LARGE1: variants seen among roughly 807,000 people sequenced by gnomAD.
LARGE1 encodes LARGE xylosyl- and glucuronyltransferase 1.
Under a neutral mutation model 87.6 loss-of-function variants are expected in LARGE1, and 43 were observed. That is an observed-to-expected ratio of 0.49 (90% CI 0.38 to 0.63). The LOEUF is 0.63. LARGE1 is among the 30% of genes least tolerant of loss of function. The pLI is 0.00. For synonymous variants in LARGE1, 434 were observed against 394.6 expected (o/e 1.10, Z -1.18); for missense variants, 802 against 1,000.2 (o/e 0.80, Z 2.67).
In LARGE1 at chr22:33,190,161, A is replaced by C. The variant is rs113484652; in HGVS notation, c.1731-23329T>G. ...TAAACAAAACATTTTTTTTTTTAGCAGCAGCTCAATAGTGCTGGGGGGATT... is the reference window on the plus strand; with the variant it reads ...TAAACAAAACATTTTTTTTTTTAGCCGCAGCTCAATAGTGCTGGGGGGATT... On this transcript the variant is annotated intron_variant, in intron 11 of 11. Transcript: ENST00000608642. Among the ~76,000 whole-genome samples the C allele has an allele frequency of 1.9e-4, 29 of 152,024 alleles. 1 individual carries two copies. Among genetic ancestry groups the C allele is most frequent in the African/African-American group, 7.0e-4 (29 of 41,448 alleles).
At chr22:33,803,210 T>G (rs2086215781) in intron 1 of LARGE1, among the ~76,000 whole-genome samples, 3 of 152,172 alleles carry the variant, frequency 2.0e-5, no homozygotes, top group Admixed American at 2.0e-4. Context: ...TTTCCCTCAA[T>G]GTTCTAGGGG....
intron 6 of LARGE1, among the ~76,000 whole-genome samples, chr22:33,462,042 C>A (rs749262052): frequency 1.3e-4 from 20 of 152,164 alleles, no homozygotes; most frequent in Non-Finnish European, 2.6e-4. Flanking sequence ...TTTTAAGCCA[C>A]TAAGTTTTAT....
chr22:33,608,513 G>A (rs540079645), intron 4 of LARGE1, among the ~76,000 whole-genome samples: 4 of 152,176 alleles, frequency 2.6e-5, no homozygotes, highest in Non-Finnish European at 4.4e-5. Flanking sequence ...ATTGTGATAC[G>A]TATTTAAACT....
chr22:33,120,358 T>TTTTCTTTCTC, the LARGE1 span, among the ~76,000 whole-genome samples: 1 of 118,684 alleles, frequency 8.4e-6, no homozygotes. Context: ...TTTTCTTTCT[T>TTTTCTTTCTC]TTTCTTTCTT....
chr22:33,457,868 G>A (rs2068204100), intron 6 of LARGE1, among the ~76,000 whole-genome samples: 1 of 152,084 alleles, frequency 6.6e-6, no homozygotes, highest in South Asian at 2.1e-4. Flanking sequence ...TGAAGGAGAG[G>A]CTGTGTGTGT....
intron 6 of LARGE1, among the ~76,000 whole-genome samples, chr22:33,532,927 G>C (rs1327738704): frequency 1.3e-5 from 2 of 152,218 alleles, no homozygotes; most frequent in Non-Finnish European, 2.9e-5. Flanking sequence ...GGCCAGTACA[G>C]AGCAAGACAC....
At chr22:33,325,472 T>G (rs1359897794) in intron 10 of LARGE1, among the ~76,000 whole-genome samples, 1 of 152,190 alleles carries the variant, frequency 6.6e-6, no homozygotes, top group Non-Finnish European at 1.5e-5. Context: ...TGGGGTTCTG[T>G]GGAGGGCAGA....
chr22:33,804,467 C>T (rs1417279033), intron 1 of LARGE1, among the ~76,000 whole-genome samples: 1 of 152,176 alleles, frequency 6.6e-6, no homozygotes, highest in Non-Finnish European at 1.5e-5. Flanking sequence ...AAGCAATTTG[C>T]AGGTTGACTG....
intron 2 of LARGE1, among the ~76,000 whole-genome samples, chr22:33,755,548 T>G (rs2084481799): frequency 6.6e-6 from 1 of 152,182 alleles, no homozygotes; most frequent in Admixed American, 6.5e-5. Context: ...TAAAACCCAC[T>G]GGGCTCTGAG....
chr22:33,461,249 C>T (rs1009470133), intron 6 of LARGE1, among the ~76,000 whole-genome samples: 19 of 152,150 alleles, frequency 1.2e-4, no homozygotes, highest in African/African-American at 4.3e-4. Flanking sequence ...GATTGTGTCA[C>T]CATGCTCCAG....
chr22:33,377,695 C>G (rs574121970), intron 9 of LARGE1, among the ~76,000 whole-genome samples: 3 of 152,200 alleles, frequency 2.0e-5, no homozygotes, highest in Admixed American at 2.0e-4. Context: ...CTATTATCTC[C>G]TTCTGATAGT....
chr22:33,533,165 C>T (rs994155709), intron 6 of LARGE1, among the ~76,000 whole-genome samples: 3 of 152,154 alleles, frequency 2.0e-5, no homozygotes, highest in African/African-American at 7.2e-5. Flanking sequence ...ACAATGGGTA[C>T]CAGTCTTCCG....
At chr22:33,348,288 C>G (rs1228869592) in intron 9 of LARGE1, among the ~76,000 whole-genome samples, 3 of 134,004 alleles carry the variant, frequency 2.2e-5, no homozygotes, top group Admixed American at 1.5e-4. Flanking sequence ...CCACCCCCCC[C>G]CAAAAAAAAA....
chr22:33,523,144 A>T (rs1339531016), intron 6 of LARGE1, among the ~76,000 whole-genome samples: 1 of 151,886 alleles, frequency 6.6e-6, no homozygotes, highest in Non-Finnish European at 1.5e-5. Flanking sequence ...AGCTGGGACT[A>T]CAGGTGTGTG....
chr22:33,714,467 T>C (rs1379734591), intron 2 of LARGE1, among the ~76,000 whole-genome samples: 1 of 152,004 alleles, frequency 6.6e-6, no homozygotes, highest in African/African-American at 2.4e-5. Flanking sequence ...ATGACCAAAG[T>C]CAAAAATGAG....
chr22:33,678,862 C>T (rs1279263225), intron 2 of LARGE1, among the ~76,000 whole-genome samples: 1 of 152,206 alleles, frequency 6.6e-6, no homozygotes, highest in Non-Finnish European at 1.5e-5. Flanking sequence ...ATTGCCCATC[C>T]ACTTTCCCTG....
At chr22:33,501,048 G>C (rs2070404202) in intron 6 of LARGE1, among the ~76,000 whole-genome samples, 1 of 152,142 alleles carries the variant, frequency 6.6e-6, no homozygotes, top group African/African-American at 2.4e-5. Flanking sequence ...GACCCTCCAT[G>C]ATTAGAACAC....
chr22:33,242,109 CAATA>C (rs1475518476), intron 11 of LARGE1, among the ~76,000 whole-genome samples: 2 of 151,256 alleles, frequency 1.3e-5, no homozygotes, highest in African/African-American at 4.8e-5. Context: ...ACATTGTGCC[CAATA>C]AATATATTTA....
At chr22:33,757,661 G>T (rs909536466) in intron 2 of LARGE1, among the ~76,000 whole-genome samples, 1 of 152,138 alleles carries the variant, frequency 6.6e-6, no homozygotes, top group Non-Finnish European at 1.5e-5. Flanking sequence ...ATATTAAACA[G>T]AGTCAAAAAA....
Sources: gnomAD v4.1 joint callset for allele counts (sites outside exome capture counted in the v4.1 genomes callset) on GRCh38, gnomAD v4.1.1 for gene constraint, MANE v1.5 for transcripts, NCBI Gene and HGNC (gene_info 2026-07-23, HGNC 2026-07-21) for gene names.